The following PIGG variants were observed in gnomAD, a reference collection of about 807,000 sequenced individuals.
PIGG encodes the protein phosphatidylinositol glycan anchor biosynthesis class G (EMM blood group).
Under a neutral mutation model 83.2 loss-of-function variants are expected in PIGG, and 70 were observed. That is an observed-to-expected ratio of 0.84 (90% CI 0.69 to 1.03). The LOEUF (loss-of-function observed/expected upper bound fraction) is 1.03. Among genes scored for constraint, PIGG ranks in the 50% least tolerant of loss-of-function variants. PIGG has a pLI of 0.00. For missense variants in PIGG, 1,257 were observed against 1,233.6 expected, an observed-to-expected ratio of 1.02 and a Z score of -0.28; for synonymous variants, 532 against 519.5, an observed-to-expected ratio of 1.02 and a Z score of -0.33.
chr4:520,882 A>G lies in PIGG; in HGVS notation c.1115-174A>G, dbSNP rs80058271. 0.013 allele frequency among the ~76,000 whole-genome samples: 1,907 copies of G among 152,382 alleles called. 37 individuals carry two copies. Among genetic ancestry groups the G allele is most frequent in the African/African-American group, 0.043 (1,789 of 41,594 alleles). On this transcript the variant is annotated intron_variant, in intron 6 of 12. Coordinates refer to ENST00000453061, the MANE Select transcript of PIGG (RefSeq NM_001127178.3). ...ACATTGGCAGCTTTCCCAGCTTTAC[A>G]GAAGGCGTTGCAGACCCCCCACCCA...
At chr4:509,368 G>A (rs1380079197) in intron 5 of PIGG, among the ~76,000 whole-genome samples, 1 of 152,204 alleles carries the variant, frequency 6.6e-6, no homozygotes, top group Admixed American at 6.5e-5. Context: ...GACCCGGCCA[G>A]AGCAGGACAG....
Position 527,231 on chromosome 4 carries a change from G to C in PIGG, c.2261+1G>C, listed in dbSNP as rs869320773. 1 of 1,583,260 alleles carries C rather than the reference G, an allele frequency of 6.3e-7. No homozygotes were observed. The highest frequency in any genetic ancestry group is 1.2e-5 in the South Asian group (1 of 86,586). On this transcript the variant is annotated splice_donor_variant, in intron 10 of 12. Coordinates refer to ENST00000453061, the MANE Select transcript of PIGG (RefSeq NM_001127178.3). LOFTEE classifies it high-confidence loss of function. ...GGCCGGACAGCAAGGACATTTCCAA[G>C]TAAGTGCGTGGCGGACACGGGGTGC... is the stretch of plus-strand genomic sequence containing the variant.
At chr4:517,275 G>A (rs571757735) in intron 6 of PIGG, among the ~76,000 whole-genome samples, 6 of 152,216 alleles carry the variant, frequency 3.9e-5, no homozygotes, top group African/African-American at 1.4e-4. Flanking sequence ...GAGAGGTGAG[G>A]GTGGCCAGGG....
chr4:530,644 C>G lies in PIGG; in HGVS notation c.2470C>G (p.Gln824Glu), dbSNP rs769479114. 1.9e-6 allele frequency: 3 copies of G among 1,613,222 alleles called. No homozygotes were observed. The highest frequency in any genetic ancestry group is 2.5e-6 in the Non-Finnish European group (3 of 1,179,162). The change falls in exon 11 of 13, where the codon CAG (glutamine) becomes GAG (glutamate). Residue 824 changes from glutamine (Q) to glutamate (E), a missense_variant. Gln to Glu is a conservative substitution (Grantham distance 29, BLOSUM62 2). Transcript: ENST00000453061. Reference sequence around the variant, plus strand: ...GGTCTTAGCATTTAGCCTCTTGATTCAGACTCTAATGACTAAATTCATCTG... The same window carrying G: ...GGTCTTAGCATTTAGCCTCTTGATTGAGACTCTAATGACTAAATTCATCTG... ...LPVLAFSLLI[Q>E]TLMTKFIWKP...
chr4:537,487 A>T (rs1195227140), intron 12 of PIGG: 1 of 152,310 alleles, frequency 6.6e-6, no homozygotes, highest in African/African-American at 2.4e-5. Context: ...CTTCCTGCCC[A>T]GTATGTTCAC....
rs781840854 is a variant in PIGG at position 500,381 on chromosome 4, C to A, written c.155-15C>A. On this transcript the variant is annotated splice_polypyrimidine_tract_variant and intron_variant, in intron 1 of 12. Coordinates refer to ENST00000453061, the MANE Select transcript of PIGG (RefSeq NM_001127178.3). ...TTTAGAGTTCAATTTCCTTTTTTTTCTTTCAAACACTTAGGAGCCAGTTCT... is the reference window on the plus strand; with the variant it reads ...TTTAGAGTTCAATTTCCTTTTTTTTATTTCAAACACTTAGGAGCCAGTTCT... 1.3e-6 allele frequency: 2 copies of A among 1,590,766 alleles called. No individual in the cohort carries two copies. Among genetic ancestry groups the A allele is most frequent in the Non-Finnish European group, 1.7e-6 (2 of 1,166,324 alleles).
intron 2 of PIGG, chr4:501,600 C>T (rs1553875966): frequency 6.4e-6 from 1 of 156,160 alleles, no homozygotes; most frequent in African/African-American, 2.4e-5. Context: ...GGGGCAGCCC[C>T]ATTTGCAGAT....
chr4:506,731 C>T (rs947625547), intron 3 of PIGG: 16 of 455,748 alleles, frequency 3.5e-5, no homozygotes, highest in Admixed American at 7.0e-5. Flanking sequence ...ATCAACTGCT[C>T]ATCTCTCCTC....
At chr4:521,354 A>C (rs1443704468) in intron 7 of PIGG, 81 bp downstream of exon 7, 1 of 851,576 alleles carries the variant, frequency 1.2e-6, no homozygotes, top group East Asian at 2.7e-5. Context: ...TTAAATATAT[A>C]TATAGGTGTT....
rs1553878787 is a variant in PIGG at position 505,829 on chromosome 4, A to G, written c.472A>G (p.Ile158Val). ...ACAAGCAAAAGCAGCTGGAAAAAGAATAGTCTTTTATGGAGATGAAACCTG... is the reference window on the plus strand; with the variant it reads ...ACAAGCAAAAGCAGCTGGAAAAAGAGTAGTCTTTTATGGAGATGAAACCTG... ...IRQAKAAGKR[I>V]VFYGDETWVK... Residue 158 changes from isoleucine (I) to valine (V), a missense_variant, in exon 3 of 13, where the codon ATA becomes GTA. By Grantham distance (29) the Ile-to-Val change is conservative. Transcript: ENST00000453061. 5 of 1,612,868 alleles carry G rather than the reference A, an allele frequency of 3.1e-6. No individual in the cohort carries two copies. The highest frequency in any genetic ancestry group is 2.2e-5 in the East Asian group (1 of 44,870).
rs1723574089 is a variant in PIGG at position 515,614 on chromosome 4, C to A, written c.902-359C>A. 6.6e-6 allele frequency among the ~76,000 whole-genome samples: 1 copy of A among 152,238 alleles called. No individual in the cohort carries two copies. The highest frequency in any genetic ancestry group is 2.4e-5 in the African/African-American group (1 of 41,462). ...GCTGTCAGCGATCCCAGCCTCACTT[C>A]ATTCTCCGGTTGGCTGTTGACCTTG... On this transcript the variant is annotated intron_variant, in intron 5 of 12. Transcript: ENST00000453061. This position sits in a 1 kb window ranked among gnomAD's most constrained non-coding sequence, Gnocchi z 4.2.
intron 4 of PIGG, 47 bp from the exon 5 acceptor site, chr4:508,782 T>C (rs368577638): frequency 7.0e-6 from 11 of 1,580,168 alleles, no homozygotes; most frequent in Non-Finnish European, 8.7e-6. Context: ...GATGATGTGC[T>C]CTCTTCAGTC....
chr4:521,850 C>A lies in PIGG; in HGVS notation c.1523C>A (p.Ala508Glu). ...CYFCGLSWLA[A>E]GGVMVLASAL... is the part of the protein sequence containing the mutation. ...TTCTGTGGCCTCTCGTGGCTGGCGG[C>A]AGGTGGGGTGATGGTGCTGGCCTCG... The change falls in exon 8 of 13, where the codon GCA (alanine) becomes GAA (glutamate). Residue 508 changes from alanine to glutamate, a missense_variant. By Grantham distance (107) the Ala-to-Glu change is moderately radical. Coordinates refer to ENST00000453061, the MANE Select transcript of PIGG (RefSeq NM_001127178.3). The A allele has an allele frequency of 6.2e-7, 1 of 1,614,166 alleles. No individual in the cohort carries two copies. Among genetic ancestry groups the A allele is most frequent in the Non-Finnish European group, 8.5e-7 (1 of 1,180,010 alleles).
chr4:505,570 C>A, intron 2 of PIGG, 148 bp from the exon 3 acceptor site: 1 of 568,230 alleles, frequency 1.8e-6, no homozygotes, highest in Non-Finnish European at 3.1e-6. Context: ...GAGTTCAAAG[C>A]TGCAGTGATC....
At chr4:512,195 T>C (rs554962558) in intron 5 of PIGG, among the ~76,000 whole-genome samples, 2 of 151,856 alleles carry the variant, frequency 1.3e-5, no homozygotes, top group East Asian at 3.9e-4. Context: ...CTTTAGTGAA[T>C]TTTCTGTTTC....
intron 8 of PIGG, among the ~76,000 whole-genome samples, chr4:523,079 G>A (rs1455067664): frequency 1.3e-5 from 2 of 152,178 alleles, no homozygotes; most frequent in East Asian, 1.9e-4. Context: ...CTGGAAGCGG[G>A]AGCGTGGAGG....
At chr4:525,115 T>C (rs61793752) in intron 9 of PIGG, 84,170 of 880,522 alleles carry the variant, frequency 0.096, 4,078 homozygotes, top group East Asian at 0.2. Flanking sequence ...AGCTTTGCCC[T>C]TAGCAAAGCT....
rs114367004 is a variant in PIGG, at chr4:526,062, C to T, written c.2070-977C>T. On this transcript the variant is annotated intron_variant, in intron 9 of 12. Coordinates refer to ENST00000453061, the MANE Select transcript of PIGG (RefSeq NM_001127178.3). ...AAGAGCCACCCCCAACCGCATTATC[C>T]GCGGTTTTCCTTACGCGAGGTCAAC... 9.3e-3 allele frequency among the ~76,000 whole-genome samples: 1,415 copies of T among 152,282 alleles called. 16 individuals carry two copies. Among genetic ancestry groups the T allele is most frequent in the Non-Finnish European group, 0.014 (947 of 68,016 alleles).
intron 2 of PIGG, chr4:501,017 C>A: frequency 4.9e-6 from 2 of 411,118 alleles, no homozygotes; most frequent in South Asian, 3.5e-5. Context: ...GTGACTTCTC[C>A]AAAATTATCC....
Sources: gnomAD v4.1 joint callset for allele counts (sites outside exome capture counted in the v4.1 genomes callset) on GRCh38, gnomAD v4.1.1 for gene constraint, Gnocchi (gnomAD v3.1) non-coding constraint, MANE v1.5 for transcripts, NCBI Gene and HGNC (gene_info 2026-07-23, HGNC 2026-07-21) for gene names.